The following LINGO2 variants were observed in gnomAD, a reference collection of about 807,000 sequenced individuals.
The protein encoded by LINGO2 is leucine rich repeat and Ig domain containing 2.
In LINGO2, 14 loss-of-function variants were observed where a neutral mutation model predicts 30.6. The ratio of observed to expected loss-of-function variants is 0.46; its 90% CI spans 0.30 to 0.72. LINGO2 has a LOEUF of 0.72. Among genes scored for constraint, LINGO2 ranks in the 30% least tolerant of loss-of-function variants. LINGO2 has a pLI of 0.07. For synonymous variants in LINGO2, 317 were observed against 288.5 expected, an observed-to-expected ratio of 1.10 and a Z score of -1.00; for missense variants, 729 against 751.7, an observed-to-expected ratio of 0.97 and a Z score of 0.35.
chr9:28,824,375 T>C, the LINGO2 span, among the ~76,000 whole-genome samples: 2,312 of 152,244 alleles, frequency 0.015, 49 homozygotes, highest in African/African-American at 0.052. Flanking sequence ...TTAGGGCAAA[T>C]TTAACAAGTG....
chr9:28,887,680 G>T, the LINGO2 span, among the ~76,000 whole-genome samples: 1 of 152,176 alleles, frequency 6.6e-6, no homozygotes, highest in Non-Finnish European at 1.5e-5. Context: ...AGGATCATGG[G>T]TTTAGATGTG....
At chr9:28,305,974 T>C (rs574470375) in intron 3 of LINGO2, among the ~76,000 whole-genome samples, 2 of 152,106 alleles carry the variant, frequency 1.3e-5, no homozygotes, top group South Asian at 4.1e-4. Context: ...ACTCAGAGTA[T>C]ATGAAGTATT....
Position 28,148,583 on chromosome 9 carries a change from T to G in LINGO2, c.-86-136178A>C, listed in dbSNP as rs1827886131. Reference sequence around the variant, plus strand: ...GGAGACTCAGGGAAACTTCACTTCCTCCTGGTACAATCCCAGGCCCTTGGA... The same window carrying G: ...GGAGACTCAGGGAAACTTCACTTCCGCCTGGTACAATCCCAGGCCCTTGGA... On this transcript the variant is annotated intron_variant, in intron 4 of 5. Transcript: ENST00000379992. This position sits in a 1 kb window ranked among gnomAD's most constrained non-coding sequence, Gnocchi z 5.1. 6 of 1,506,710 alleles carry G rather than the reference T, an allele frequency of 4.0e-6. No homozygotes were observed. In the Admixed American group the frequency reaches 1.2e-4, roughly 30 times the overall value. 93.3% of individuals were successfully genotyped at this position (1,506,710 alleles called of 1,614,324 possible).
intron 4 of LINGO2, among the ~76,000 whole-genome samples, chr9:28,155,992 G>T (rs1828121577): frequency 6.6e-6 from 1 of 152,118 alleles, no homozygotes; most frequent in Non-Finnish European, 1.5e-5. Flanking sequence ...GAGACACTCA[G>T]CCTATGGTAT....
intron 1 of LINGO2, among the ~76,000 whole-genome samples, chr9:28,476,294 G>A (rs1825723370): frequency 6.6e-6 from 1 of 151,900 alleles, no homozygotes; most frequent in African/African-American, 2.4e-5. Context: ...TATTTATTTT[G>A]AGACGGAGTC....
At chr9:28,262,242 G>C (rs1386045794) in intron 4 of LINGO2, among the ~76,000 whole-genome samples, 1 of 149,272 alleles carries the variant, frequency 6.7e-6, no homozygotes, top group African/African-American at 2.5e-5. Context: ...CAAAGTACTT[G>C]ACACCTACTA....
chr9:28,815,871 T>G, the LINGO2 span, among the ~76,000 whole-genome samples: 2 of 152,190 alleles, frequency 1.3e-5, no homozygotes, highest in African/African-American at 4.8e-5. Context: ...AATTCTTTCT[T>G]AACAGGTATC....
At chr9:28,227,759 T>C (rs1000274938) in intron 4 of LINGO2, among the ~76,000 whole-genome samples, 8 of 152,094 alleles carry the variant, frequency 5.3e-5, no homozygotes, top group African/African-American at 1.9e-4. Context: ...GTTACTATCC[T>C]TTTGGGGATT....
chr9:28,293,266 T>G (rs577576586), intron 4 of LINGO2, among the ~76,000 whole-genome samples: 26 of 152,046 alleles, frequency 1.7e-4, no homozygotes, highest in Admixed American at 4.6e-4. Flanking sequence ...CTCGACTAAT[T>G]TTTTAAAATT....
chr9:29,078,147 G>A, the LINGO2 span, among the ~76,000 whole-genome samples: 2 of 151,904 alleles, frequency 1.3e-5, no homozygotes, highest in Non-Finnish European at 2.9e-5. Context: ...AAGGAGCAAA[G>A]AAGAAAATGT....
At chr9:28,349,142 G>A (rs186033216) in intron 3 of LINGO2, among the ~76,000 whole-genome samples, 192 of 152,330 alleles carry the variant, frequency 1.3e-3, no homozygotes, top group African/African-American at 4.6e-3. Flanking sequence ...GAACAAAGCT[G>A]GATGGAAAAT....
chr9:27,978,976 G>T (rs1478906369), intron 5 of LINGO2, among the ~76,000 whole-genome samples: 1 of 151,922 alleles, frequency 6.6e-6, no homozygotes, highest in East Asian at 1.9e-4. Context: ...TTTTATAAAA[G>T]AGTTCAAGGC....
intron 2 of LINGO2, among the ~76,000 whole-genome samples, chr9:28,411,973 C>A (rs577308493): frequency 1.3e-5 from 2 of 151,888 alleles, no homozygotes; most frequent in South Asian, 4.2e-4. Flanking sequence ...TTTAGGGGTA[C>A]AAGTGGATTT....
At chr9:28,994,548 C>A in the LINGO2 span, among the ~76,000 whole-genome samples, 5 of 151,204 alleles carry the variant, frequency 3.3e-5, no homozygotes, top group African/African-American at 9.7e-5. Context: ...CAAAAAAGAG[C>A]CTGCATCGCC....
At chr9:28,332,741 T>G (rs1459512975) in intron 3 of LINGO2, among the ~76,000 whole-genome samples, 1 of 152,124 alleles carries the variant, frequency 6.6e-6, no homozygotes, top group Non-Finnish European at 1.5e-5. Flanking sequence ...GAACCTTATT[T>G]AGTCATAAGA....
At chr9:28,436,570 G>C (rs2134987077) in intron 2 of LINGO2, among the ~76,000 whole-genome samples, 1 of 152,074 alleles carries the variant, frequency 6.6e-6, no homozygotes, top group East Asian at 1.9e-4. Flanking sequence ...CCATTCTCCT[G>C]CCTCAGCCTC....
chr9:28,510,672 C>G (rs887176672), intron 1 of LINGO2, among the ~76,000 whole-genome samples: 2 of 64,392 alleles, frequency 3.1e-5, no homozygotes, highest in Non-Finnish European at 6.4e-5. Context: ...CTAGTGTCAA[C>G]TGTATATATA....
the LINGO2 span, among the ~76,000 whole-genome samples, chr9:29,009,916 A>G: frequency 1.3e-5 from 2 of 152,172 alleles, no homozygotes; most frequent in African/African-American, 4.8e-5. Context: ...CCTGACAAAA[A>G]CTAGAAATGG....
intron 4 of LINGO2, among the ~76,000 whole-genome samples, chr9:28,255,946 A>G (rs1822369281): frequency 6.6e-6 from 1 of 152,088 alleles, no homozygotes; most frequent in Non-Finnish European, 1.5e-5. Context: ...TTTATTGTGG[A>G]AACTACACAC....
Sources: gnomAD v4.1 joint callset for allele counts (sites outside exome capture counted in the v4.1 genomes callset) on GRCh38, gnomAD v4.1.1 for gene constraint, Gnocchi (gnomAD v3.1) non-coding constraint, MANE v1.5 for transcripts, NCBI Gene and HGNC (gene_info 2026-07-23, HGNC 2026-07-21) for gene names.